Variants in CCNJL observed in about 807,000 individuals in gnomAD.
CCNJL encodes the protein cyclin J like.
A neutral mutation model predicts 33.4 loss-of-function variants in CCNJL; 33 were observed. The observed-to-expected ratio is 0.99, with a 90% CI of 0.75 to 1.32. The LOEUF is 1.32. Ranked by LOEUF, CCNJL falls within the 40% of genes most tolerant of loss-of-function variation. CCNJL has a pLI of 0.00. For missense variants in CCNJL, 512 were observed against 499.7 expected (o/e 1.02, Z -0.23); for synonymous variants, 227 against 220.9 (o/e 1.03, Z -0.24).
chr5:160,327,835 C>T lies in CCNJL; in HGVS notation n.206+11610G>A, dbSNP rs541458161. Among the ~76,000 whole-genome samples the T allele has an allele frequency of 3.9e-5, 6 of 152,268 alleles. No individual in the cohort carries two copies. The East Asian group carries it at 5.8e-4, about 15-fold the overall frequency. On this transcript the variant is annotated intron_variant and non_coding_transcript_variant, in intron 1 of 7. Transcript: ENST00000377503. ...TCTGTATCCAAACCTGTTTCAGTGT[C>T]GGCTTTGGAGGAAATCCAAAGAAGA...
intron 2 of CCNJL, among the ~76,000 whole-genome samples, chr5:160,285,622 G>A (rs1762378588): frequency 6.6e-6 from 1 of 152,206 alleles, no homozygotes. Flanking sequence ...ACCTGTTGAA[G>A]ATGCAGGAAA....
At chr5:160,276,434 G>GA (rs539010713) in intron 3 of CCNJL, 2,055 of 144,792 alleles carry the variant, frequency 0.014, 52 homozygotes, top group African/African-American at 0.048. Context: ...AAAAGAAAAA[G>GA]AAAAAAAAAA....
At chr5:160,312,893 C>T (rs1334518448), upstream of CCNJL, 1 of 152,046 alleles carries the variant, frequency 6.6e-6, no homozygotes, top group Non-Finnish European at 1.5e-5. Flanking sequence ...ACTGCTCTAG[C>T]CATCCTTACG....
chr5:160,314,319 T>C (rs182981890), upstream of CCNJL, among the ~76,000 whole-genome samples: 1 of 152,372 alleles, frequency 6.6e-6, no homozygotes, highest in Admixed American at 6.5e-5. Flanking sequence ...TAGGAAAATT[T>C]AATATATTTA....
chr5:160,290,120 T>C (rs1433285008), intron 2 of CCNJL, among the ~76,000 whole-genome samples: 1 of 152,238 alleles, frequency 6.6e-6, no homozygotes, highest in Non-Finnish European at 1.5e-5. Context: ...TGGTTTCTTC[T>C]ATTAGGGGAG....
chr5:160,317,879 G>A (rs1010866138), upstream of CCNJL, among the ~76,000 whole-genome samples: 1 of 152,070 alleles, frequency 6.6e-6, no homozygotes, highest in African/African-American at 2.4e-5. Flanking sequence ...CCTCTTCCTG[G>A]TTTTTGGGGG....
At position 160,280,697 on chromosome 5, in the gene CCNJL, C is replaced by T. The variant is rs1762180608; in HGVS notation, c.108G>A (p.Leu36=). Residue 36 remains leucine (L), a synonymous_variant, in exon 3 of 6, where the codon CTG becomes CTA. Transcript: ENST00000257536. The part of the protein sequence containing the change: ...LPTFRAHSPL[L]KSRRFFVDIL... ...TGTCCACGAAGAACCGGCGGCTCTTCAGGAGTGGGGAGTGGGCTCGGAAGG... is the reference window on the plus strand; with the variant it reads ...TGTCCACGAAGAACCGGCGGCTCTTTAGGAGTGGGGAGTGGGCTCGGAAGG... 4.3e-6 allele frequency: 7 copies of T among 1,612,386 alleles called. No homozygotes were observed. The highest frequency in any genetic ancestry group is 5.9e-6 in the Non-Finnish European group (7 of 1,179,386).
Position 160,321,059 on chromosome 5 carries a change from TTTCTTTCTTTCTTTCTTTC to T in CCNJL, n.207-5573_207-5555del, listed in dbSNP as rs1206543325. On this transcript the variant is annotated intron_variant and non_coding_transcript_variant, in intron 1 of 7. Transcript: ENST00000377503. ...CTTTCTTTCTTTCTTTCTTTCTTTC[TTTCTTTCTTTCTTTCTTTC>T]TTTCTTTCTTTCCTTCTCTCTTTCT... 9.1e-3 allele frequency among the ~76,000 whole-genome samples: 1,146 copies of T among 126,400 alleles called. 85 individuals carry two copies. The highest frequency in any genetic ancestry group is 0.044 in the African/African-American group (1,089 of 24,790). The allele number at this position is 126,400 out of a possible 152,430, so 82.9% of individuals were successfully genotyped here. A position where few individuals can be genotyped will look rare whatever the true frequency, so the allele number is the denominator to read the frequency against.
At chr5:160,277,720 C>A (rs1193529636) in intron 3 of CCNJL, among the ~76,000 whole-genome samples, 41 of 151,816 alleles carry the variant, frequency 2.7e-4, no homozygotes, top group Admixed American at 2.7e-3. Flanking sequence ...GTGAGAAAAT[C>A]CCATCTCTGC....
intron 3 of CCNJL, among the ~76,000 whole-genome samples, chr5:160,260,356 C>A (rs541660483): frequency 1.3e-5 from 2 of 152,170 alleles, no homozygotes; most frequent in East Asian, 3.9e-4. Context: ...GGAAGGTAAG[C>A]CCAGGAAAGA....
intron 3 of CCNJL, among the ~76,000 whole-genome samples, chr5:160,262,790 T>C (rs1761401762): frequency 6.6e-6 from 1 of 152,234 alleles, no homozygotes; most frequent in Non-Finnish European, 1.5e-5. Flanking sequence ...TTTATGAGTT[T>C]CCTGATGCTG....
upstream of CCNJL, chr5:160,315,455 C>A (rs1280875210): frequency 6.7e-6 from 3 of 448,192 alleles, no homozygotes; most frequent in Non-Finnish European, 1.3e-5. Context: ...AGCAGTGAGC[C>A]GTGATTGTGC....
At chr5:160,302,997 G>A (rs1274228187) in intron 2 of CCNJL, among the ~76,000 whole-genome samples, 1 of 152,034 alleles carries the variant, frequency 6.6e-6, no homozygotes, top group Admixed American at 6.6e-5. Context: ...TGGGGACAAC[G>A]GTGGCAGGAA....
At chr5:160,316,852 T>C (rs771300512), upstream of CCNJL, among the ~76,000 whole-genome samples, 12 of 152,270 alleles carry the variant, frequency 7.9e-5, no homozygotes, top group Non-Finnish European at 1.6e-4. Flanking sequence ...CATACATTTC[T>C]AGCCTTCTGC....
At chr5:160,311,072 G>T (rs993385028) in intron 2 of CCNJL, among the ~76,000 whole-genome samples, 1 of 151,966 alleles carries the variant, frequency 6.6e-6, no homozygotes, top group Non-Finnish European at 1.5e-5. Context: ...CTCAGCCCAG[G>T]GACTGGAGGC....
In CCNJL at chr5:160,259,471, T is replaced by A; in HGVS notation, c.581A>T (p.Gln194Leu). The A allele has an allele frequency of 1.2e-6, 2 of 1,608,988 alleles. No homozygotes were observed. The highest frequency in any genetic ancestry group is 1.7e-6 in the Non-Finnish European group (2 of 1,176,774). Residue 194 changes from glutamine (Q) to leucine (L), a missense_variant and splice_region_variant, in exon 4 of 6, where the codon CAA becomes CTA. Gln to Leu is a moderately radical substitution (Grantham distance 113). Transcript: ENST00000257536. ...TGCCATCGGGTCCCAGCTGTCACCT[T>A]GCAGGGTGACCTCTAGGAAGTAATG... is the stretch of plus-strand genomic sequence containing the variant. The part of the protein sequence containing the change: ...YAHYFLEVTL[Q>L]DHIFYKFQPS...
At chr5:160,337,309 C>T (rs1282799107) in intron 1 of CCNJL, among the ~76,000 whole-genome samples, 1 of 151,948 alleles carries the variant, frequency 6.6e-6, no homozygotes, top group East Asian at 1.9e-4. Flanking sequence ...TGTAAGCCAC[C>T]GAACTTGGCT....
rs1761221998 is a variant in CCNJL, at chr5:160,259,499, C to T, written c.553G>A (p.Ala185Thr). 3.3e-5 allele frequency: 54 copies of T among 1,613,898 alleles called. No individual in the cohort carries two copies. Among genetic ancestry groups the T allele is most frequent in the Non-Finnish European group, 4.5e-5 (53 of 1,179,896 alleles). The change falls in exon 4 of 6, where the codon GCC becomes ACC. Residue 185 changes from alanine to threonine, a missense_variant. By Grantham distance (58) the Ala-to-Thr change is moderately conservative. Transcript: ENST00000257536. ...AGGGTGACCTCTAGGAAGTAATGGG[C>T]ATACTCCTTGAGGCACTCTTTGGTC... Reference protein sequence around the residue: ...RKTKECLKEYAHYFLEVTLQD... With the variant: ...RKTKECLKEYTHYFLEVTLQD...
upstream of CCNJL, among the ~76,000 whole-genome samples, chr5:160,314,517 C>T (rs1357844947): frequency 6.6e-6 from 1 of 152,090 alleles, no homozygotes; most frequent in Non-Finnish European, 1.5e-5. Flanking sequence ...AGAAAACATA[C>T]ACGAATTATA....
Sources: gnomAD v4.1 joint callset for allele counts (sites outside exome capture counted in the v4.1 genomes callset) on GRCh38, gnomAD v4.1.1 for gene constraint, MANE v1.5 for transcripts, NCBI Gene and HGNC (gene_info 2026-07-23, HGNC 2026-07-21) for gene names.